ZNF385D: variants seen among roughly 807,000 people sequenced by gnomAD.
ZNF385D encodes the protein zinc finger protein 385D.
ZNF385D carries 15 observed loss-of-function variants against 35.8 expected under a neutral mutation model. The ratio of observed to expected loss-of-function variants is 0.42; its 90% CI spans 0.28 to 0.64. ZNF385D has a LOEUF of 0.64. Ranked by LOEUF, ZNF385D falls within the 30% of genes least tolerant of loss-of-function variation. ZNF385D has a pLI of 0.23. For synonymous variants in ZNF385D, 212 were observed against 186.8 expected (o/e 1.13, Z -1.10); for missense variants, 474 against 494.6 (o/e 0.96, Z 0.39).
intron 3 of ZNF385D, among the ~76,000 whole-genome samples, chr3:21,757,909 T>C (rs535485613): frequency 6.6e-6 from 1 of 152,292 alleles, no homozygotes; most frequent in South Asian, 2.1e-4. Flanking sequence ...AGACATGCCA[T>C]AAATATATGT....
intron 3 of ZNF385D, among the ~76,000 whole-genome samples, chr3:21,991,278 G>T (rs1443547473): frequency 6.6e-6 from 1 of 152,068 alleles, no homozygotes; most frequent in African/African-American, 2.4e-5. Flanking sequence ...GTTTCTAAGG[G>T]ATTTTAAAAT....
At chr3:21,955,772 C>A (rs1240669958) in intron 3 of ZNF385D, among the ~76,000 whole-genome samples, 1 of 152,090 alleles carries the variant, frequency 6.6e-6, no homozygotes, top group African/African-American at 2.4e-5. Flanking sequence ...TATTAAATGT[C>A]TACTGTATGC....
At chr3:21,738,030 A>G (rs961179021) in intron 1 of ZNF385D, among the ~76,000 whole-genome samples, 15 of 152,318 alleles carry the variant, frequency 9.8e-5, no homozygotes, top group Admixed American at 4.6e-4. Context: ...ACAGGATTTT[A>G]TATCTCCAGC....
intron 3 of ZNF385D, among the ~76,000 whole-genome samples, chr3:22,145,157 T>C (rs1016677863): frequency 6.6e-6 from 1 of 152,204 alleles, no homozygotes; most frequent in African/African-American, 2.4e-5. Context: ...AGACTTTCTT[T>C]GAGCTTTAGC....
intron 2 of ZNF385D, among the ~76,000 whole-genome samples, chr3:22,304,029 C>G (rs754155581): frequency 2.0e-5 from 3 of 152,268 alleles, no homozygotes; most frequent in Non-Finnish European, 4.4e-5. Context: ...CCGCCCACCT[C>G]GGCCTCCCAG....
chr3:22,009,619 T>C (rs1465003552), intron 3 of ZNF385D, among the ~76,000 whole-genome samples: 1 of 98,054 alleles, frequency 1.0e-5, no homozygotes, highest in African/African-American at 5.5e-5. Context: ...TGAGACTCTG[T>C]CTCAAAAAAA....
intron 2 of ZNF385D, among the ~76,000 whole-genome samples, chr3:21,588,406 T>C (rs1314924671): frequency 6.0e-5 from 9 of 150,114 alleles, no homozygotes; most frequent in African/African-American, 2.0e-4. Flanking sequence ...TCATATTTTA[T>C]GATTTAATTT....
intron 3 of ZNF385D, among the ~76,000 whole-genome samples, chr3:21,868,975 T>A (rs1697538879): frequency 6.6e-6 from 1 of 152,064 alleles, no homozygotes; most frequent in African/African-American, 2.4e-5. Context: ...CACAGAACAT[T>A]ATAATGCTGC....
chr3:22,200,519 C>G (rs1168535272), intron 2 of ZNF385D, among the ~76,000 whole-genome samples: 1 of 152,082 alleles, frequency 6.6e-6, no homozygotes, highest in Non-Finnish European at 1.5e-5. Context: ...GGCAAGATCA[C>G]AGTACCACAG....
chr3:22,361,366 C>T (rs1214201715), intron 2 of ZNF385D, among the ~76,000 whole-genome samples: 2 of 152,020 alleles, frequency 1.3e-5, no homozygotes, highest in African/African-American at 4.8e-5. Context: ...TTTTAGAGAA[C>T]CAAATTAGCC....
intron 3 of ZNF385D, among the ~76,000 whole-genome samples, chr3:21,964,395 A>G (rs1256657274): frequency 5.3e-5 from 7 of 133,240 alleles, no homozygotes; most frequent in African/African-American, 1.7e-4. Flanking sequence ...TACTGGCTCT[A>G]CAGTTGGTCC....
At chr3:21,560,365 A>C (rs1018001389) in intron 3 of ZNF385D, among the ~76,000 whole-genome samples, 1 of 151,828 alleles carries the variant, frequency 6.6e-6, no homozygotes, top group Admixed American at 6.6e-5. Context: ...CTTTTTGTTG[A>C]TGTTGATGTT....
intron 3 of ZNF385D, among the ~76,000 whole-genome samples, chr3:22,049,284 G>A (rs534138201): frequency 1.7e-3 from 141 of 85,140 alleles, no homozygotes; most frequent in East Asian, 9.3e-3. Flanking sequence ...AAACAAGAGC[G>A]AAACTCAATC....
intron 1 of ZNF385D, among the ~76,000 whole-genome samples, chr3:21,718,737 A>G (rs1685741670): frequency 2.0e-5 from 3 of 152,240 alleles, no homozygotes; most frequent in Admixed American, 6.5e-5. Context: ...ATCTGCAAAG[A>G]TAAAAACTAA....
intron 2 of ZNF385D, among the ~76,000 whole-genome samples, chr3:22,204,006 T>C (rs1696979752): frequency 1.3e-5 from 2 of 152,052 alleles, no homozygotes; most frequent in South Asian, 4.1e-4. Context: ...GGTAGTCAAG[T>C]GGTGGTTACA....
chr3:22,178,411 C>T (rs1260787727), intron 2 of ZNF385D, among the ~76,000 whole-genome samples: 5 of 152,198 alleles, frequency 3.3e-5, no homozygotes, highest in African/African-American at 1.2e-4. Flanking sequence ...GCATATCCTT[C>T]ACCCACTTGT....
chr3:21,924,974 TA>T (rs1378907629), intron 3 of ZNF385D, among the ~76,000 whole-genome samples: 1 of 151,996 alleles, frequency 6.6e-6, no homozygotes, highest in African/African-American at 2.4e-5. Context: ...ACTTGACTAC[TA>T]AAACTAAAAA....
chr3:21,998,827 T>C (rs1695652131), intron 3 of ZNF385D, among the ~76,000 whole-genome samples: 1 of 152,180 alleles, frequency 6.6e-6, no homozygotes, highest in Non-Finnish European at 1.5e-5. Flanking sequence ...AGGGAGTTTG[T>C]TGTAACATAC....
At chr3:22,007,807 TA>T (rs909265125) in intron 3 of ZNF385D, among the ~76,000 whole-genome samples, 1 of 139,598 alleles carries the variant, frequency 7.2e-6, no homozygotes, top group Non-Finnish European at 1.6e-5. Context: ...ATATATATAT[TA>T]TTTTTTCCTA....
Sources: allele counts gnomAD v4.1 joint callset (sites outside exome capture counted in the v4.1 genomes callset), GRCh38; gene constraint gnomAD v4.1.1; transcripts MANE v1.5; gene names NCBI Gene and HGNC (gene_info 2026-07-23, HGNC 2026-07-21).